The following CDH23 variants were observed in gnomAD, a reference collection of about 807,000 sequenced individuals.
CDH23 encodes the protein cadherin-23.
A neutral mutation model predicts 317.1 loss-of-function variants in CDH23; 189 were observed. The ratio of observed to expected loss-of-function variants is 0.60; its 90% CI spans 0.53 to 0.67. The LOEUF (loss-of-function observed/expected upper bound fraction) is 0.67. CDH23 is among the 30% of genes least tolerant of loss of function. The probability of loss-of-function intolerance (pLI) is 0.00; values close to 1 mark genes in which losing one functional copy is unlikely to be tolerated. For missense variants in CDH23, 4,401 were observed against 4,592.4 expected, an observed-to-expected ratio of 0.96 and a Z score of 1.20; for synonymous variants, 1,839 against 1,876.8, an observed-to-expected ratio of 0.98 and a Z score of 0.52.
chr10:71,637,739 G>A (rs1303264110), intron 11 of CDH23, among the ~76,000 whole-genome samples: 4 of 152,064 alleles, frequency 2.6e-5, no homozygotes, highest in African/African-American at 4.8e-5. Flanking sequence ...TCCCAGCCCC[G>A]ATCCAGCTTG....
rs183943390 is a variant in CDH23, at chr10:71,496,172, A to G, written c.146-13910A>G. ...CACTAGACCAATTAATTAAGACAGAATCCTTAGTGGTTGGGGCCTGGGCAT... is the reference window on the plus strand; with the variant it reads ...CACTAGACCAATTAATTAAGACAGAGTCCTTAGTGGTTGGGGCCTGGGCAT... On this transcript the variant is annotated intron_variant, in intron 3 of 69. Transcript: ENST00000224721. 1.2e-4 allele frequency among the ~76,000 whole-genome samples: 18 copies of G among 152,332 alleles called. No individual in the cohort carries two copies. In the East Asian group the frequency reaches 3.5e-3, roughly 29 times the overall value.
intron 3 of CDH23, among the ~76,000 whole-genome samples, chr10:71,497,607 G>C (rs1784074468): frequency 6.6e-6 from 1 of 152,212 alleles, no homozygotes; most frequent in African/African-American, 2.4e-5. Flanking sequence ...GAGCCGGGTT[G>C]GGTCTTCTCT....
intron 22 of CDH23, among the ~76,000 whole-genome samples, chr10:71,697,838 G>A (rs968546911): frequency 2.0e-5 from 3 of 152,164 alleles, no homozygotes; most frequent in Non-Finnish European, 4.4e-5. Flanking sequence ...GGAGTCAGCC[G>A]CATCATCCCT....
At chr10:71,542,868 C>G (rs1213977763) in intron 6 of CDH23, among the ~76,000 whole-genome samples, 1 of 152,242 alleles carries the variant, frequency 6.6e-6, no homozygotes, top group African/African-American at 2.4e-5. Context: ...AGGCTCTGAA[C>G]AGCAAGCCCC....
At chr10:71,770,016 C>T (rs541148934) in intron 38 of CDH23, among the ~76,000 whole-genome samples, 29 of 152,306 alleles carry the variant, frequency 1.9e-4, no homozygotes, top group Middle Eastern at 3.4e-3. Context: ...ACTGTGAGGG[C>T]CTACAGGGGC....
intron 38 of CDH23, among the ~76,000 whole-genome samples, chr10:71,768,257 G>A (rs1193842954): frequency 1.3e-5 from 2 of 152,086 alleles, no homozygotes; most frequent in South Asian, 2.1e-4. Context: ...TGCAACCTCC[G>A]CCTCCCAGGT....
chr10:71,716,085 G>A, intron 28 of CDH23: 2 of 1,527,956 alleles, frequency 1.3e-6, no homozygotes, highest in Non-Finnish European at 1.8e-6. Flanking sequence ...CGGAGCTGGG[G>A]CTCACTGGGG....
At chr10:71,680,751 AAAAAAAAAAAAAG>A in intron 17 of CDH23, among the ~76,000 whole-genome samples, 1 of 144,202 alleles carries the variant, frequency 6.9e-6, no homozygotes, top group Admixed American at 6.9e-5. Flanking sequence ...CGTCTCAAAA[AAAAAAAAAAAAAG>A]AAAAAGAAAT....
chr10:71,621,616 A>G (rs912365350), intron 11 of CDH23, among the ~76,000 whole-genome samples: 5 of 152,258 alleles, frequency 3.3e-5, no homozygotes, highest in Non-Finnish European at 7.3e-5. Context: ...ATGACCTCAG[A>G]AATCCTCTGC....
At chr10:71,634,695 C>A (rs1460294386) in intron 11 of CDH23, among the ~76,000 whole-genome samples, 1 of 152,218 alleles carries the variant, frequency 6.6e-6, no homozygotes, top group Non-Finnish European at 1.5e-5. Flanking sequence ...AGCATGGTGT[C>A]CTTGAGTTAA....
rs1188422116 is a variant in CDH23 at position 71,510,983 on chromosome 10, T to C, written c.318T>C (p.Ser106=). ...ETKSEFTVEF[S]VSDHQGVITR... ...AGTCAGAGTTCACCGTGGAGTTCTC[T>C]GTCAGCGACCACCAGGGGGTGAGTG... Residue 106 remains serine, a synonymous_variant, in exon 5 of 70, where the codon TCT becomes TCC. Coordinates refer to ENST00000224721, the MANE Select transcript of CDH23 (RefSeq NM_022124.6). 1 of 1,613,620 alleles carries C rather than the reference T, an allele frequency of 6.2e-7. No individual in the cohort carries two copies. Among genetic ancestry groups the C allele is most frequent in the Non-Finnish European group, 8.5e-7 (1 of 1,179,720 alleles).
At chr10:71,494,418 T>C (rs1245666253) in intron 3 of CDH23, among the ~76,000 whole-genome samples, 1 of 152,148 alleles carries the variant, frequency 6.6e-6, no homozygotes, top group Non-Finnish European at 1.5e-5. Context: ...AAGAACATTG[T>C]ATATGGGGTC....
chr10:71,690,674 TC>T (rs1865157185), intron 20 of CDH23, 90 bp downstream of exon 20: 1 of 842,260 alleles, frequency 1.2e-6, no homozygotes, highest in South Asian at 1.5e-5. Flanking sequence ...TGGGCCCAGG[TC>T]CCCTTCCTTT....
chr10:71,464,523 C>T (rs575005795), intron 3 of CDH23, among the ~76,000 whole-genome samples: 2 of 152,286 alleles, frequency 1.3e-5, no homozygotes, highest in Admixed American at 6.5e-5. Context: ...GAAGAGGGGT[C>T]TTCTGAGGCC....
intron 3 of CDH23, among the ~76,000 whole-genome samples, chr10:71,485,767 A>C (rs1037613087): frequency 6.6e-6 from 1 of 152,358 alleles, no homozygotes; most frequent in East Asian, 1.9e-4. Context: ...GTGGGTGGTC[A>C]TGCTGGAGTC....
intron 30 of CDH23, 66 bp from the exon 31 acceptor site, chr10:71,730,403 G>A: frequency 6.3e-7 from 1 of 1,577,192 alleles, no homozygotes; most frequent in Non-Finnish European, 8.6e-7. Flanking sequence ...GCCACAGTGG[G>A]CCAAGCCCTG....
Position 71,811,547 on chromosome 10 carries a change from G to C in CDH23, c.9235G>C (p.Ala3079Pro), listed in dbSNP as rs2133002174. Residue 3079 changes from alanine (A) to proline (P), a missense_variant, in exon 64 of 70, where the codon GCC becomes CCC. Ala to Pro is a conservative substitution (Grantham distance 27, BLOSUM62 -1). Around this residue, in one of 3 missense-constraint regions of CDH23, gnomAD observed 1,144 missense variants for 1,138.2 expected, o/e 1.01. Transcript: ENST00000224721. ...IIVLAILLFL[A>P]AMLFVLMNWY... Reference sequence around the variant, plus strand: ...CGTCCTGGCTATCCTCCTGTTCCTGGCCGCCATGCTCTTTGTCCTCATGAA... The same window carrying C: ...CGTCCTGGCTATCCTCCTGTTCCTGCCCGCCATGCTCTTTGTCCTCATGAA... 1 of 1,613,910 alleles carries C rather than the reference G, an allele frequency of 6.2e-7. No homozygotes were observed. The highest frequency in any genetic ancestry group is 8.5e-7 in the Non-Finnish European group (1 of 1,179,886).
At chr10:71,543,719 C>T (rs1275958827) in intron 6 of CDH23, among the ~76,000 whole-genome samples, 1 of 152,224 alleles carries the variant, frequency 6.6e-6, no homozygotes, top group Non-Finnish European at 1.5e-5. Flanking sequence ...TACCTTCAGG[C>T]TCTATAGAGT....
intron 29 of CDH23, among the ~76,000 whole-genome samples, chr10:71,724,354 G>A (rs191705665): frequency 2.6e-5 from 4 of 152,186 alleles, no homozygotes; most frequent in African/African-American, 4.8e-5. Context: ...GTGCAGTGGC[G>A]TGATCTCGGC....
Sources: gnomAD v4.1 joint callset for allele counts (sites outside exome capture counted in the v4.1 genomes callset) on GRCh38, gnomAD v4.1.1 for gene constraint, gnomAD v4.1.1 regional missense constraint, MANE v1.5 for transcripts, NCBI Gene and HGNC (gene_info 2026-07-23, HGNC 2026-07-21) for gene names.